DLGAP1: variants seen among roughly 807,000 people sequenced by gnomAD.
DLGAP1 encodes DLG associated protein 1.
Under a neutral mutation model 90.8 loss-of-function variants are expected in DLGAP1, and 11 were observed. That is an observed-to-expected ratio of 0.12 (90% CI 0.08 to 0.20). The LOEUF (loss-of-function observed/expected upper bound fraction) is 0.20. Ranked by LOEUF, DLGAP1 falls within the 10% of genes least tolerant of loss-of-function variation. DLGAP1 has a pLI of 1.00. For missense variants in DLGAP1, 1,050 were observed against 1,333.8 expected, an observed-to-expected ratio of 0.79 and a Z score of 3.31; for synonymous variants, 558 against 540.7, an observed-to-expected ratio of 1.03 and a Z score of -0.44.
chr18:3,616,750 T>C (rs1407182568), intron 7 of DLGAP1, among the ~76,000 whole-genome samples: 1 of 151,484 alleles, frequency 6.6e-6, no homozygotes, highest in African/African-American at 2.4e-5. Flanking sequence ...GGAGACCCTG[T>C]CTCAAAAAAA....
At chr18:4,103,915 T>C (rs2075819727) in intron 2 of DLGAP1, among the ~76,000 whole-genome samples, 1 of 152,190 alleles carries the variant, frequency 6.6e-6, no homozygotes, top group Admixed American at 6.5e-5. Flanking sequence ...ACATTTTTAA[T>C]GCTTTAGAGT....
At chr18:3,874,280 T>TGGGAG in intron 4 of DLGAP1, 1 of 1,549,364 alleles carries the variant, frequency 6.5e-7, no homozygotes, top group Non-Finnish European at 8.7e-7. Context: ...TCGGTCTGTC[T>TGGGAG]TGCTCTCTCT....
chr18:3,609,766 C>T (rs377670232), intron 7 of DLGAP1, among the ~76,000 whole-genome samples: 2 of 151,578 alleles, frequency 1.3e-5, no homozygotes, highest in Non-Finnish European at 2.9e-5. Flanking sequence ...AATATGAAAA[C>T]CATCTCGGAG....
At chr18:3,520,203 C>T (rs2144121292) in intron 10 of DLGAP1, among the ~76,000 whole-genome samples, 1 of 152,192 alleles carries the variant, frequency 6.6e-6, no homozygotes, top group South Asian at 2.1e-4. Flanking sequence ...CCCACTATTC[C>T]CATCTACGTG....
At chr18:4,404,762 G>T (rs978067972) in intron 1 of DLGAP1, among the ~76,000 whole-genome samples, 1 of 152,134 alleles carries the variant, frequency 6.6e-6, no homozygotes, top group East Asian at 1.9e-4. Context: ...ATAAAGGCCA[G>T]ACAAATACAG....
chr18:4,144,941 G>C (rs1521424), intron 2 of DLGAP1, among the ~76,000 whole-genome samples: 12,398 of 152,106 alleles, frequency 0.082, 1,299 homozygotes, highest in East Asian at 0.24. Context: ...TATGTGATTT[G>C]TAATAAACTC....
chr18:3,578,668 C>A (rs942624731), intron 8 of DLGAP1, among the ~76,000 whole-genome samples: 14 of 137,344 alleles, frequency 1.0e-4, no homozygotes, highest in Admixed American at 6.5e-4. Context: ...TTTTTTTTTT[C>A]TTATTATTCT....
At chr18:3,638,749 T>C (rs1004217852) in intron 7 of DLGAP1, among the ~76,000 whole-genome samples, 8 of 152,252 alleles carry the variant, frequency 5.3e-5, no homozygotes, top group Non-Finnish European at 8.8e-5. Context: ...TTATGTGCTT[T>C]CTGTTTTTAA....
chr18:3,637,395 G>A (rs1261525483), intron 7 of DLGAP1, among the ~76,000 whole-genome samples: 3 of 151,818 alleles, frequency 2.0e-5, no homozygotes, highest in Non-Finnish European at 2.9e-5. Context: ...GACACACTTC[G>A]CTCCTGGTAG....
At chr18:3,925,754 A>T (rs955941845) in intron 3 of DLGAP1, among the ~76,000 whole-genome samples, 1 of 152,244 alleles carries the variant, frequency 6.6e-6, no homozygotes, top group African/African-American at 2.4e-5. Flanking sequence ...CATTAACTAC[A>T]TTCAGGAAAG....
chr18:4,080,582 G>T (rs73384704), intron 2 of DLGAP1, among the ~76,000 whole-genome samples: 5,399 of 152,284 alleles, frequency 0.035, 357 homozygotes, highest in African/African-American at 0.12. Flanking sequence ...TCTAGGAAAA[G>T]ATTAACAGAG....
chr18:3,507,677 TTTTC>T (rs1432082249), intron 11 of DLGAP1, among the ~76,000 whole-genome samples: 1 of 152,150 alleles, frequency 6.6e-6, no homozygotes, highest in Non-Finnish European at 1.5e-5. Context: ...TTGCTTTTCA[TTTTC>T]TTTGTTTTAG....
intron 6 of DLGAP1, among the ~76,000 whole-genome samples, chr18:3,731,454 C>T (rs2062425466): frequency 6.6e-6 from 1 of 151,976 alleles, no homozygotes; most frequent in Admixed American, 6.6e-5. Context: ...TAGGTTCTTG[C>T]TCTGTCACCC....
At chr18:4,048,169 T>A (rs2075083492) in intron 2 of DLGAP1, among the ~76,000 whole-genome samples, 1 of 152,224 alleles carries the variant, frequency 6.6e-6, no homozygotes, top group Non-Finnish European at 1.5e-5. Flanking sequence ...TTGAACAGAT[T>A]ATTAGAAAAA....
intron 5 of DLGAP1, among the ~76,000 whole-genome samples, chr18:3,752,435 T>G (rs2063537155): frequency 6.6e-6 from 1 of 152,206 alleles, no homozygotes; most frequent in Non-Finnish European, 1.5e-5. Flanking sequence ...TTCATGTACA[T>G]GGAATCATAC....
chr18:4,299,826 A>G (rs373218678), intron 1 of DLGAP1, among the ~76,000 whole-genome samples: 85 of 152,298 alleles, frequency 5.6e-4, no homozygotes, highest in South Asian at 3.9e-3. Flanking sequence ...AGTATGATGT[A>G]TAAAAGTGAT....
intron 8 of DLGAP1, among the ~76,000 whole-genome samples, chr18:3,570,405 A>G (rs1195118323): frequency 6.6e-6 from 1 of 151,498 alleles, no homozygotes. Flanking sequence ...CAGCCTCCCA[A>G]GTAGCTGGCA....
intron 3 of DLGAP1, among the ~76,000 whole-genome samples, chr18:3,937,627 C>G (rs560904832): frequency 7.9e-5 from 12 of 152,296 alleles, no homozygotes; most frequent in African/African-American, 2.9e-4. Flanking sequence ...AGATGCAGTG[C>G]TAAATCAGAA....
chr18:3,881,635 C>T (rs1278906742), intron 3 of DLGAP1, among the ~76,000 whole-genome samples: 2 of 152,168 alleles, frequency 1.3e-5, no homozygotes, highest in East Asian at 1.9e-4. Context: ...CAAGATGAGC[C>T]GGGCGCGGTG....
Sources: allele counts gnomAD v4.1 joint callset (sites outside exome capture counted in the v4.1 genomes callset), GRCh38; gene constraint gnomAD v4.1.1; transcripts MANE v1.5; gene names NCBI Gene and HGNC (gene_info 2026-07-23, HGNC 2026-07-21).